RANBP2: variants seen among roughly 807,000 people sequenced by gnomAD.
The protein encoded by RANBP2 is RAN binding protein 2, also known as E3 SUMO-protein ligase RanBP2.
RANBP2 carries 57 observed loss-of-function variants against 303.6 expected under a neutral mutation model. The ratio of observed to expected loss-of-function variants is 0.19; its 90% CI spans 0.15 to 0.23. The LOEUF is 0.23. Among genes scored for constraint, RANBP2 ranks in the 10% least tolerant of loss-of-function variants. RANBP2 has a pLI of 1.00. For missense variants in RANBP2, 3,138 were observed against 3,780.8 expected, an observed-to-expected ratio of 0.83 and a Z score of 4.46; for synonymous variants, 1,167 against 1,301.5, an observed-to-expected ratio of 0.90 and a Z score of 2.23.
the RANBP2 span, among the ~76,000 whole-genome samples, chr2:109,602,680 TA>T: frequency 0.022 from 2,107 of 95,018 alleles, 65 homozygotes; most frequent in East Asian, 0.16. Flanking sequence ...CATCTCAAAT[TA>T]AAAAAAAAAA....
the RANBP2 span, chr2:109,503,900 CGA>C: frequency 6.6e-6 from 1 of 152,276 alleles, no homozygotes; most frequent in South Asian, 2.1e-4. Context: ...AGAGCTGGGG[CGA>C]ATATCTCCAT....
the RANBP2 span, among the ~76,000 whole-genome samples, chr2:109,494,429 A>G: frequency 6.6e-6 from 1 of 152,316 alleles, no homozygotes; most frequent in East Asian, 1.9e-4. Flanking sequence ...GCTGCCTGGT[A>G]TCCTGGGGAG....
the RANBP2 span, among the ~76,000 whole-genome samples, chr2:109,174,265 G>T: frequency 6.6e-6 from 1 of 152,252 alleles, no homozygotes; most frequent in African/African-American, 2.4e-5. Context: ...GGAAACACAG[G>T]CAGAGAGAAG....
At chr2:109,231,525 C>T in the RANBP2 span, among the ~76,000 whole-genome samples, 2 of 152,286 alleles carry the variant, frequency 1.3e-5, no homozygotes, top group South Asian at 2.1e-4. Context: ...ATATCGTGCT[C>T]TGTTCATAGA....
chr2:108,892,023 C>T, the RANBP2 span, among the ~76,000 whole-genome samples: 3 of 152,108 alleles, frequency 2.0e-5, no homozygotes, highest in Non-Finnish European at 4.4e-5. Context: ...CAGGTTTGTG[C>T]TCAGGCCCCT....
At chr2:108,737,315 CT>C (rs901321161) in intron 6 of RANBP2, among the ~76,000 whole-genome samples, 3 of 147,302 alleles carry the variant, frequency 2.0e-5, no homozygotes, top group Non-Finnish European at 4.5e-5. Flanking sequence ...ATGTGGGTTC[CT>C]TTTTTTCTTT....
the RANBP2 span, among the ~76,000 whole-genome samples, chr2:109,698,311 T>C: frequency 6.6e-6 from 1 of 152,020 alleles, no homozygotes; most frequent in Middle Eastern, 3.4e-3. Flanking sequence ...AAACATTTCA[T>C]TTCTCTTAGC....
intron 25 of RANBP2, among the ~76,000 whole-genome samples, chr2:108,779,180 T>C (rs1678076906): frequency 2.0e-5 from 3 of 149,808 alleles, no homozygotes; most frequent in African/African-American, 7.4e-5. Context: ...TGTCTCTTTT[T>C]TTTGAGACGA....
the RANBP2 span, among the ~76,000 whole-genome samples, chr2:109,621,280 G>A: frequency 2.6e-5 from 4 of 152,116 alleles, no homozygotes; most frequent in Admixed American, 6.6e-5. Context: ...AGCCTCCCGA[G>A]TAGCTGGGAC....
chr2:108,922,260 G>A, the RANBP2 span, among the ~76,000 whole-genome samples: 19 of 152,260 alleles, frequency 1.2e-4, no homozygotes, highest in Admixed American at 3.3e-4. Flanking sequence ...AACCCAGAAT[G>A]ATCTGGCCTT....
chr2:109,487,094 C>T, the RANBP2 span, among the ~76,000 whole-genome samples: 1 of 152,206 alleles, frequency 6.6e-6, no homozygotes, highest in Non-Finnish European at 1.5e-5. Context: ...GAAAACGTAA[C>T]AGGGATGCCA....
the RANBP2 span, among the ~76,000 whole-genome samples, chr2:109,118,331 C>T: frequency 4.6e-5 from 7 of 152,094 alleles, no homozygotes; most frequent in South Asian, 2.1e-4. Context: ...AGAACAGGCA[C>T]GACAACACAG....
chr2:109,125,835 C>T, the RANBP2 span, among the ~76,000 whole-genome samples: 4 of 152,242 alleles, frequency 2.6e-5, no homozygotes, highest in African/African-American at 7.2e-5. Flanking sequence ...TTAGTTCACA[C>T]CCTCAAATTC....
chr2:108,906,726 G>A, the RANBP2 span, among the ~76,000 whole-genome samples: 46 of 152,330 alleles, frequency 3.0e-4, 1 homozygote, highest in East Asian at 8.1e-3. Flanking sequence ...CTCCCATCCC[G>A]GATCACGTGG....
chr2:109,594,204 C>G, the RANBP2 span, among the ~76,000 whole-genome samples: 1 of 152,082 alleles, frequency 6.6e-6, no homozygotes, highest in Non-Finnish European at 1.5e-5. Context: ...TATCCTACTT[C>G]TGAATACAGC....
At chr2:109,664,198 G>A in the RANBP2 span, among the ~76,000 whole-genome samples, 44,897 of 151,992 alleles carry the variant, frequency 0.3, 7,551 homozygotes, top group Middle Eastern at 0.44. Flanking sequence ...GCCATCACTC[G>A]ATTTCCGTAA....
the RANBP2 span, among the ~76,000 whole-genome samples, chr2:109,691,852 G>A: frequency 2.7e-5 from 4 of 149,390 alleles, no homozygotes; most frequent in Admixed American, 6.8e-5. Context: ...GCACGATCTC[G>A]GCTCATTGCA....
the RANBP2 span, among the ~76,000 whole-genome samples, chr2:109,640,568 C>T: frequency 6.6e-6 from 1 of 152,192 alleles, no homozygotes; most frequent in East Asian, 1.9e-4. Context: ...GGTCCCTTTT[C>T]TGGACAGACT....
the RANBP2 span, among the ~76,000 whole-genome samples, chr2:109,137,110 TA>T: frequency 6.6e-6 from 1 of 152,242 alleles, no homozygotes; most frequent in African/African-American, 2.4e-5. Context: ...GGTGACCAGA[TA>T]TGCTGCAGAG....
Sources: gnomAD v4.1 joint callset for allele counts (sites outside exome capture counted in the v4.1 genomes callset) on GRCh38, gnomAD v4.1.1 for gene constraint, MANE v1.5 for transcripts, NCBI Gene and HGNC (gene_info 2026-07-23, HGNC 2026-07-21) for gene names.